Variants in CAND1 observed in about 807,000 individuals in gnomAD.
CAND1 encodes cullin-associated NEDD8-dissociated protein 1.
In CAND1, 7 loss-of-function variants were observed where a neutral mutation model predicts 108.5. The ratio of observed to expected loss-of-function variants is 0.06; its 90% confidence interval spans 0.04 to 0.12. The LOEUF (loss-of-function observed/expected upper bound fraction) is 0.12, where lower values mean the gene tolerates loss of function less well. CAND1 is among the 10% of genes least tolerant of loss of function. The pLI, the probability that CAND1 is intolerant of heterozygous loss-of-function variation, is 1.00. For synonymous variants in CAND1, 534 were observed against 512.0 expected (o/e 1.04, Z -0.58); for missense variants, 941 against 1,448.7 (o/e 0.65, Z 5.69).
Position 67,305,888 on chromosome 12 carries a change from A to G in CAND1, c.2220A>G (p.Gly740=). The G allele has an allele frequency of 6.2e-7, 1 of 1,614,058 alleles. No homozygotes were observed. Among genetic ancestry groups the G allele is most frequent in the Non-Finnish European group, 8.5e-7 (1 of 1,179,980 alleles). ...ISGSILNELI[G]LVRSPLLQGG... ...GATCCATTCTCAATGAACTTATTGGACTTGTGAGATCACCCTTATTGCAGG... is the reference window on the plus strand; with the variant it reads ...GATCCATTCTCAATGAACTTATTGGGCTTGTGAGATCACCCTTATTGCAGG... The change falls in exon 10 of 15, where the codon GGA becomes GGG. Residue 740 remains glycine, a synonymous_variant. Coordinates refer to ENST00000545606, the MANE Select transcript of CAND1 (RefSeq NM_018448.5). This position sits in a 1 kb window ranked among gnomAD's most constrained non-coding sequence, Gnocchi z 4.4.
chr12:67,308,192 G>A (rs2044908938), intron 11 of CAND1, among the ~76,000 whole-genome samples: 1 of 152,018 alleles, frequency 6.6e-6, no homozygotes, highest in Admixed American at 6.6e-5. Flanking sequence ...CATCAGGGAG[G>A]ATTGAGGGAT....
chr12:67,292,882 C>T (rs576418316), intron 3 of CAND1, 106 bp downstream of exon 3: 1 of 997,932 alleles, frequency 1.0e-6, no homozygotes, highest in Admixed American at 2.2e-5. Context: ...GCTGTCCTTA[C>T]AGATGTTCAT....
intron 4 of CAND1, among the ~76,000 whole-genome samples, chr12:67,297,006 C>T (rs891715244): frequency 6.6e-6 from 1 of 152,032 alleles, no homozygotes; most frequent in African/African-American, 2.4e-5. Flanking sequence ...CCATGTTGCC[C>T]AGGCTGGTCT....
At chr12:67,271,015 T>G (rs1199948442) in intron 1 of CAND1, among the ~76,000 whole-genome samples, 4 of 152,234 alleles carry the variant, frequency 2.6e-5, no homozygotes. Context: ...GAAAAAGTAG[T>G]AATTGTGTTC....
At chr12:67,308,986 T>G (rs1172943954) in intron 11 of CAND1, among the ~76,000 whole-genome samples, 4 of 151,996 alleles carry the variant, frequency 2.6e-5, no homozygotes, top group Non-Finnish European at 5.9e-5. Context: ...TCTAAAAGAT[T>G]GCTGATGATA....
chr12:67,284,947 G>A (rs1470799735), intron 2 of CAND1, among the ~76,000 whole-genome samples: 1 of 152,102 alleles, frequency 6.6e-6, no homozygotes, highest in Non-Finnish European at 1.5e-5. Context: ...AGAGGCATAA[G>A]AATTGAAAAG....
intron 4 of CAND1, 120 bp downstream of exon 4, chr12:67,295,276 C>G: frequency 1.2e-6 from 1 of 858,282 alleles, no homozygotes; most frequent in East Asian, 3.1e-5. Flanking sequence ...TAAATGGTGG[C>G]TGTTTTATCA....
intron 3 of CAND1, 23 bp downstream of exon 3, chr12:67,292,799 TC>T: frequency 6.2e-7 from 1 of 1,611,156 alleles, no homozygotes; most frequent in Non-Finnish European, 8.5e-7. Context: ...ACATTTTTCT[TC>T]CTATTTCTTT....
intron 1 of CAND1, among the ~76,000 whole-genome samples, chr12:67,277,381 A>T (rs766784488): frequency 2.2e-4 from 34 of 152,152 alleles, no homozygotes; most frequent in Non-Finnish European, 2.4e-4. Flanking sequence ...TATATTGCTG[A>T]TTTATTAACA....
Position 67,305,948 on chromosome 12 carries a change from A to G in CAND1, c.2280A>G (p.Gln760=). 6.2e-7 allele frequency: 1 copy of G among 1,614,154 alleles called. No homozygotes were observed. Among genetic ancestry groups the G allele is most frequent in the African/African-American group, 1.3e-5 (1 of 75,034 alleles). ...TTAGTGCCATGCTAGACTTTTTCCA[A>G]GCTCTGGTTGTCACTGGAACAAATA... ...GALSAMLDFF[Q]ALVVTGTNNL... is the part of the protein sequence containing the mutation. Residue 760 remains glutamine (Q), a synonymous_variant, in exon 10 of 15, where the codon CAA becomes CAG. Coordinates refer to ENST00000545606, the MANE Select transcript of CAND1 (RefSeq NM_018448.5). The surrounding 1 kb of genome is among the most constrained non-coding windows in gnomAD (Gnocchi z 4.4).
chr12:67,305,932 T>C lies in CAND1; in HGVS notation c.2264T>C (p.Met755Thr). ...PLLQGGALSA[M>T]LDFFQALVVT... ...TTGCAGGGGGGAGCTCTTAGTGCCATGCTAGACTTTTTCCAAGCTCTGGTT... is the reference window on the plus strand; with the variant it reads ...TTGCAGGGGGGAGCTCTTAGTGCCACGCTAGACTTTTTCCAAGCTCTGGTT... The change falls in exon 10 of 15, where the codon ATG (methionine) becomes ACG (threonine). Residue 755 changes from methionine to threonine, a missense_variant. Met to Thr is a moderately conservative substitution (Grantham distance 81). Around this residue, in one of 9 missense-constraint regions of CAND1, gnomAD observed 697 missense variants for 942.0 expected, o/e 0.74. Coordinates refer to ENST00000545606, the MANE Select transcript of CAND1 (RefSeq NM_018448.5). The surrounding 1 kb of genome is among the most constrained non-coding windows in gnomAD (Gnocchi z 4.4). 6.2e-7 allele frequency: 1 copy of C among 1,614,222 alleles called. No individual in the cohort carries two copies. Among genetic ancestry groups the C allele is most frequent in the Non-Finnish European group, 8.5e-7 (1 of 1,180,026 alleles).
At chr12:67,281,411 T>C (rs2044618960) in intron 1 of CAND1, among the ~76,000 whole-genome samples, 1 of 152,156 alleles carries the variant, frequency 6.6e-6, no homozygotes, top group Non-Finnish European at 1.5e-5. Context: ...TATGTGATCA[T>C]CCCCTGCAAT....
rs759587556 is a variant in CAND1, at chr12:67,309,911, A to G, written c.3036A>G (p.Leu1012=). 1.2e-6 allele frequency: 2 copies of G among 1,600,660 alleles called. No homozygotes were observed. Among genetic ancestry groups the G allele is most frequent in the Non-Finnish European group, 1.7e-6 (2 of 1,174,764 alleles). ...PLLKNCIGDF[L]KTLEDPDLNV... ...CTTGTAATATTTCAGGTGATTTCCT[A>G]AAAACTTTGGAAGACCCAGATTTGA... is the stretch of plus-strand genomic sequence containing the variant. Residue 1012 remains leucine (L), a synonymous_variant, in exon 12 of 15, where the codon CTA becomes CTG. Coordinates refer to ENST00000545606, the MANE Select transcript of CAND1 (RefSeq NM_018448.5).
chr12:67,271,110 A>G (rs1357969968), intron 1 of CAND1, among the ~76,000 whole-genome samples: 1 of 152,240 alleles, frequency 6.6e-6, no homozygotes, highest in Non-Finnish European at 1.5e-5. Flanking sequence ...CTACCTAGGC[A>G]GCTCTTAAAT....
At position 67,305,134 on chromosome 12, in the gene CAND1, G is replaced by C. The variant is rs777610313; in HGVS notation, c.1466G>C (p.Ser489Thr). ...GIIFSLNDKS[S>T]SSNLKIDALS... is the part of the protein sequence containing the mutation. ...ATTTTCTCACTGAATGATAAATCAA[G>C]CTCATCGAATTTGAAGATCGATGCT... Residue 489 changes from serine (S) to threonine (T), a missense_variant, in exon 10 of 15, where the codon AGC (serine) becomes ACC (threonine). Transcript: ENST00000545606. This position sits in a 1 kb window ranked among gnomAD's most constrained non-coding sequence, Gnocchi z 4.4. The C allele has an allele frequency of 6.2e-7, 1 of 1,610,912 alleles. No homozygotes were observed. The highest frequency in any genetic ancestry group is 8.5e-7 in the Non-Finnish European group (1 of 1,178,338).
rs778118890 is a variant in CAND1, at chr12:67,307,474, C to T, written c.3007C>T (p.Leu1003=). 1.9e-5 allele frequency: 31 copies of T among 1,607,872 alleles called. No individual in the cohort carries two copies. Among genetic ancestry groups the T allele is most frequent in the South Asian group, 6.6e-5 (6 of 90,276 alleles). ...TGACCATCCACAACCTATTGATCCA[C>T]TGTTAAAGAACTGCATAGGTAAGTG... is the stretch of plus-strand genomic sequence containing the variant. ...ISDHPQPIDP[L]LKNCIGDFLK... is the part of the protein sequence containing the mutation. Residue 1003 remains leucine (L), a synonymous_variant, in exon 11 of 15, where the codon CTG becomes TTG. Coordinates refer to ENST00000545606, the MANE Select transcript of CAND1 (RefSeq NM_018448.5).
Position 67,311,746 on chromosome 12 carries a change from A to G in CAND1, c.3414A>G (p.Val1138=). The G allele has an allele frequency of 1.2e-6, 2 of 1,611,994 alleles. No homozygotes were observed. The highest frequency in any genetic ancestry group is 1.3e-5 in the African/African-American group (1 of 74,964). The part of the protein sequence containing the change: ...VRLSTLCPSA[V]LQRLDRLVEP... ...TGTCTACCCTTTGTCCAAGTGCAGT[A>G]CTGCAGAGGTTGGACCGACTTGTTG... Residue 1138 remains valine, a synonymous_variant, in exon 14 of 15, where the codon GTA becomes GTG. Coordinates refer to ENST00000545606, the MANE Select transcript of CAND1 (RefSeq NM_018448.5).
chr12:67,290,863 G>C (rs2044716117), intron 2 of CAND1, among the ~76,000 whole-genome samples: 2 of 152,172 alleles, frequency 1.3e-5, no homozygotes, highest in African/African-American at 4.8e-5. Context: ...TACTGCCTGA[G>C]CTTTGCCTCC....
At chr12:67,293,763 T>TA (rs999425093) in intron 3 of CAND1, among the ~76,000 whole-genome samples, 18 of 151,742 alleles carry the variant, frequency 1.2e-4, no homozygotes, top group African/African-American at 4.4e-4. Context: ...CAAAAAAAAA[T>TA]AAAAAAACAA....
Sources: allele counts gnomAD v4.1 joint callset (sites outside exome capture counted in the v4.1 genomes callset), GRCh38; gene constraint gnomAD v4.1.1; regional missense constraint gnomAD v4.1.1; non-coding constraint Gnocchi (gnomAD v3.1); transcripts MANE v1.5; gene names NCBI Gene and HGNC (gene_info 2026-07-23, HGNC 2026-07-21).